The following MS4A2 variants were observed in gnomAD, a reference collection of about 807,000 sequenced individuals.
MS4A2 encodes high affinity immunoglobulin epsilon receptor subunit beta.
In MS4A2, 26 loss-of-function variants were observed where a neutral mutation model predicts 27.9. That is an observed-to-expected ratio of 0.93 (90% CI 0.68 to 1.29). The LOEUF (loss-of-function observed/expected upper bound fraction) is 1.29. Ranked by LOEUF, MS4A2 falls within the 50% of genes most tolerant of loss-of-function variation. The pLI is 0.00. For synonymous variants in MS4A2, 110 were observed against 98.8 expected (o/e 1.11, Z -0.67); for missense variants, 284 against 284.6 (o/e 1.00, Z 0.01).
Position 60,090,379 on chromosome 11 carries a change from C to G in MS4A2, c.230C>G (p.Thr77Arg), listed in dbSNP as rs757122087. Residue 77 changes from threonine to arginine, a missense_variant, in exon 3 of 7, where the codon ACA becomes AGA. Thr to Arg is a moderately conservative substitution (Grantham distance 71). Transcript: ENST00000278888. ...LTAMICLCFGTVVCSVLDISH... is the reference protein window; with the variant it reads ...LTAMICLCFGRVVCSVLDISH... Reference sequence around the variant, plus strand: ...GCTATGATATGCCTTTGTTTTGGAACAGTTGTCTGCTCTGTACTTGATATT... The same window carrying G: ...GCTATGATATGCCTTTGTTTTGGAAGAGTTGTCTGCTCTGTACTTGATATT... 6.2e-7 allele frequency: 1 copy of G among 1,613,376 alleles called. No homozygotes were observed. Among genetic ancestry groups the G allele is most frequent in the Non-Finnish European group, 8.5e-7 (1 of 1,179,822 alleles).
intron 4 of MS4A2, 108 bp from the exon 5 acceptor site, chr11:60,093,292 G>C (rs1044670240): frequency 7.0e-7 from 1 of 1,428,236 alleles, no homozygotes. Flanking sequence ...CCAAAATTTG[G>C]AAGCAATGTG....
chr11:60,088,613 T>A, upstream of MS4A2: 1 of 1,485,786 alleles, frequency 6.7e-7, no homozygotes, highest in African/African-American at 1.4e-5. Flanking sequence ...AAGAAACTTA[T>A]CTGTCTGGCA....
At chr11:60,089,558 G>T in intron 1 of MS4A2, 134 bp from the exon 2 acceptor site, 3 of 1,184,896 alleles carry the variant, frequency 2.5e-6, no homozygotes, top group South Asian at 1.3e-5. Flanking sequence ...TTAGTTTCTT[G>T]GTGATTACAA....
intron 4 of MS4A2, 102 bp downstream of exon 4, chr11:60,092,950 T>G: frequency 8.9e-7 from 1 of 1,117,740 alleles, no homozygotes; most frequent in Non-Finnish European, 1.3e-6. Flanking sequence ...ATATTACTTG[T>G]GAATGTGGAT....
chr11:60,096,329 A>G lies in MS4A2; in HGVS notation c.*673A>G, dbSNP rs1313170756. The stretch of plus-strand genomic sequence containing the variant: ...GTCTGGGGAGGTAAATAGGTTAAAA[A>G]CAGGGAAATTATAAGTGCAGAGATT... On this transcript the variant is annotated 3_prime_UTR_variant, in exon 7 of 7. Transcript: ENST00000278888. The G allele has an allele frequency of 6.6e-6, 1 of 152,328 alleles. No individual in the cohort carries two copies. The highest frequency in any genetic ancestry group is 1.5e-5 in the Non-Finnish European group (1 of 68,158). The allele number at this position is 152,328 out of a possible 1,614,324, so 9.4% of individuals were successfully genotyped here. A position where few individuals can be genotyped will look rare whatever the true frequency, so the allele number is the denominator to read the frequency against.
chr11:60,088,538 T>G, upstream of MS4A2: 1 of 1,241,628 alleles, frequency 8.1e-7, no homozygotes, highest in Admixed American at 3.2e-5. Context: ...ATATTAGTCT[T>G]TATTTAGTAG....
At chr11:60,089,867 A>C (rs767796080) in intron 2 of MS4A2, 46 bp downstream of exon 2, 2 of 1,610,654 alleles carry the variant, frequency 1.2e-6, no homozygotes, top group South Asian at 1.1e-5. Context: ...GGTTGGGTCT[A>C]GAAAAGAATA....
In MS4A2 at chr11:60,096,168, C is replaced by T. The variant is rs1041230443; in HGVS notation, c.*512C>T. On this transcript the variant is annotated 3_prime_UTR_variant, in exon 7 of 7. Coordinates refer to ENST00000278888, the MANE Select transcript of MS4A2 (RefSeq NM_000139.5). ...CCTATGCAAATATTTTACCACCAGT[C>T]AATAATACATTTTTGCCAAGACATG... 5.2e-5 allele frequency: 8 copies of T among 154,760 alleles called. No individual in the cohort carries two copies. Among genetic ancestry groups the T allele is most frequent in the African/African-American group, 7.2e-5 (3 of 41,484 alleles). 9.6% of individuals were successfully genotyped at this position (154,760 alleles called of 1,614,324 possible).
chr11:60,093,411 C>T lies in MS4A2; in HGVS notation c.390C>T (p.Ser130=). 1.2e-6 allele frequency: 2 copies of T among 1,614,132 alleles called. No homozygotes were observed. The highest frequency in any genetic ancestry group is 1.3e-5 in the African/African-American group (1 of 75,022). ...TTCATTATTATCAGGTGAGAGGAAG[C>T]CTGGGAGCAAACACTGCCAGCAGCA... ...RRNATYLVRG[S]LGANTASSIA... Residue 130 remains serine, a synonymous_variant, in exon 5 of 7, where the codon AGC becomes AGT. Coordinates refer to ENST00000278888, the MANE Select transcript of MS4A2 (RefSeq NM_000139.5).
intron 6 of MS4A2, among the ~76,000 whole-genome samples, chr11:60,095,352 T>A (rs1348694223): frequency 1.3e-5 from 2 of 152,230 alleles, no homozygotes; most frequent in Non-Finnish European, 2.9e-5. Flanking sequence ...CTCACCAACT[T>A]GTCATTGACT....
At position 60,091,583 on chromosome 11, in the gene MS4A2, T is replaced by C. The variant is rs117211368; in HGVS notation, c.321+1113T>C. ...AACATTGATCTGCTTTCTGTGAATA[T>C]AAATTAACTTACATTTTTTAGAGCT... On this transcript the variant is annotated intron_variant, in intron 3 of 6. Transcript: ENST00000278888. Among the ~76,000 whole-genome samples, 21 of 152,268 alleles carry C rather than the reference T, an allele frequency of 1.4e-4. No individual in the cohort carries two copies. In the East Asian group the frequency reaches 4.0e-3, roughly 29 times the overall value.
intron 2 of MS4A2, 82 bp downstream of exon 2, chr11:60,089,903 C>A: frequency 1.3e-6 from 2 of 1,571,022 alleles, no homozygotes; most frequent in Middle Eastern, 3.3e-4. Flanking sequence ...TGTTTTCCCA[C>A]TTGGATTCAT....
chr11:60,093,071 T>A (rs1855795530), intron 4 of MS4A2, among the ~76,000 whole-genome samples: 1 of 152,208 alleles, frequency 6.6e-6, no homozygotes, highest in South Asian at 2.1e-4. Flanking sequence ...AAGTTTATGT[T>A]TACCTTGACG....
chr11:60,088,667 C>A lies in MS4A2; in HGVS notation c.-99C>A. The A allele has an allele frequency of 1.3e-6, 2 of 1,549,898 alleles. No individual in the cohort carries two copies. The highest frequency in any genetic ancestry group is 1.2e-5 in the South Asian group (1 of 84,058). On this transcript the variant is annotated 5_prime_UTR_variant, in exon 1 of 7. Coordinates refer to ENST00000278888, the MANE Select transcript of MS4A2 (RefSeq NM_000139.5). Reference sequence around the variant, plus strand: ...AGAATCATCAATGTCATGAGGTAACCCATTTCAACTGCCTATTCAGAGCAT... The same window carrying A: ...AGAATCATCAATGTCATGAGGTAACACATTTCAACTGCCTATTCAGAGCAT...
In MS4A2 at chr11:60,093,507, C is replaced by G. The variant is rs565065677; in HGVS notation, c.486C>G (p.His162Gln). 5 of 1,614,204 alleles carry G rather than the reference C, an allele frequency of 3.1e-6. No homozygotes were observed. The East Asian group carries it at 8.9e-5, about 29-fold the overall frequency. The change falls in exon 5 of 7, where the codon CAC becomes CAG. Residue 162 changes from histidine to glutamine, a missense_variant. Physicochemically the swap from His to Gln is conservative, Grantham distance 24 (BLOSUM62 0). Transcript: ENST00000278888. The stretch of plus-strand genomic sequence containing the variant: ...AGAGCTTGGCCTATATCCACATCCA[C>G]AGTTGCCAGAAATTTTTTGAGACCA... ...LKKSLAYIHI[H>Q]SCQKFFETKC...
In MS4A2 at chr11:60,097,989, A is replaced by AT. The variant is rs1855898035; in HGVS notation, c.*2334dup. 1 of 152,226 alleles carries AT rather than the reference A, an allele frequency of 6.6e-6. No individual in the cohort carries two copies. The highest frequency in any genetic ancestry group is 2.4e-5 in the African/African-American group (1 of 41,460). The allele number at this position is 152,226 out of a possible 1,614,324, so 9.4% of individuals were successfully genotyped here. On this transcript the variant is annotated 3_prime_UTR_variant, in exon 7 of 7. Transcript: ENST00000278888. ...TCACTTCCATGGCATGGATGTTCACATACAGACTCTTAACCCTGGTTTACC... is the reference window on the plus strand; with the variant it reads ...TCACTTCCATGGCATGGATGTTCACATTACAGACTCTTAACCCTGGTTTACC...
At chr11:60,089,017 C>G (rs1335495407) in intron 1 of MS4A2, among the ~76,000 whole-genome samples, 196 bp downstream of exon 1, 1 of 152,190 alleles carries the variant, frequency 6.6e-6, no homozygotes, top group Non-Finnish European at 1.5e-5. Context: ...CATTTTTACT[C>G]AGCTTGCAAA....
chr11:60,089,628 T>C, intron 1 of MS4A2, 64 bp from the exon 2 acceptor site: 1 of 1,604,752 alleles, frequency 6.2e-7, no homozygotes, highest in Admixed American at 1.7e-5. Context: ...TTTCTGTCTG[T>C]CGAGAATGTT....
rs1855823174 is a variant in MS4A2, at chr11:60,094,063, GT to G, written c.636+2del. On this transcript the variant is annotated splice_donor_variant, in intron 6 of 6. Transcript: ENST00000278888. LOFTEE classifies it high-confidence loss of function. ...TGGGGAAGAACTCAAAGGAAACAAG[GT>G]AGATAGAAGCCCGATATAAAATCTT... 6.3e-7 allele frequency: 1 copy of G among 1,595,216 alleles called. No individual in the cohort carries two copies. Among genetic ancestry groups the G allele is most frequent in the South Asian group, 1.1e-5 (1 of 90,666 alleles).
Sources: gnomAD v4.1 joint callset for allele counts (sites outside exome capture counted in the v4.1 genomes callset) on GRCh38, gnomAD v4.1.1 for gene constraint, MANE v1.5 for transcripts, NCBI Gene and HGNC (gene_info 2026-07-23, HGNC 2026-07-21) for gene names.